Variants in CCDC178 observed in about 807,000 individuals in gnomAD.
CCDC178 encodes coiled-coil domain containing 178, also known as coiled-coil domain-containing protein 178.
Under a neutral mutation model 117.4 loss-of-function variants are expected in CCDC178, and 126 were observed. That is an observed-to-expected ratio of 1.07 (90% CI 0.93 to 1.24). The LOEUF (loss-of-function observed/expected upper bound fraction) is 1.24, where lower values mean the gene tolerates loss of function less well. Among genes scored for constraint, CCDC178 ranks in the 50% most tolerant of loss-of-function variants. The pLI is 0.00. For missense variants in CCDC178, 1,030 were observed against 986.9 expected (o/e 1.04, Z -0.59); for synonymous variants, 283 against 313.4 (o/e 0.90, Z 1.02).
chr18:33,363,019 T>C (rs1164950728), intron 6 of CCDC178, among the ~76,000 whole-genome samples: 2 of 151,966 alleles, frequency 1.3e-5, no homozygotes, highest in Admixed American at 6.6e-5. Context: ...AAAGATACCA[T>C]ACTAATGAGA....
chr18:33,327,611 G>A (rs2062602802), intron 10 of CCDC178, among the ~76,000 whole-genome samples: 1 of 152,050 alleles, frequency 6.6e-6, no homozygotes, highest in Non-Finnish European at 1.5e-5. Context: ...GGGCATCCTT[G>A]TTACTTTCCA....
Position 33,256,585 on chromosome 18 carries a change from T to C in CCDC178, c.1409+10331A>G, listed in dbSNP as rs563821273. ...CTGAGTTTATGTTGTGTGGGATTTA[T>C]GCTGCTGTTTGAAGCTGAAAATCTA... On this transcript the variant is annotated intron_variant, in intron 14 of 22. Transcript: ENST00000383096. Among the ~76,000 whole-genome samples the C allele has an allele frequency of 2.0e-5, 3 of 152,232 alleles. No homozygotes were observed. The South Asian group carries it at 6.2e-4, about 32-fold the overall frequency.
rs570194280 is a variant in CCDC178 at position 33,241,280 on chromosome 18, TA to T, written c.1593+3964del. ...AGCTAAACGTCTTTCCTCTAGGAACTAAACAAGACAAGCAAGCCCACTCTTA... is the reference window on the plus strand; with the variant it reads ...AGCTAAACGTCTTTCCTCTAGGAACTAACAAGACAAGCAAGCCCACTCTTA... On this transcript the variant is annotated intron_variant, in intron 15 of 22. Transcript: ENST00000383096. Among the ~76,000 whole-genome samples, 473 of 151,952 alleles carry T rather than the reference TA, an allele frequency of 3.1e-3. 4 individuals carry two copies. Among genetic ancestry groups the T allele is most frequent in the African/African-American group, 0.011 (456 of 41,510 alleles).
chr18:33,146,127 A>G (rs1339618189), intron 20 of CCDC178, among the ~76,000 whole-genome samples: 1 of 152,238 alleles, frequency 6.6e-6, no homozygotes, highest in Non-Finnish European at 1.5e-5. Flanking sequence ...GATATTTGAT[A>G]ATGCTACTGC....
chr18:33,200,260 G>A (rs948989865), intron 20 of CCDC178, among the ~76,000 whole-genome samples: 3 of 152,168 alleles, frequency 2.0e-5, no homozygotes, highest in Non-Finnish European at 4.4e-5. Context: ...TGATGGGAGA[G>A]GCTTCTAAGC....
At chr18:33,365,418 T>G (rs2063189209) in intron 6 of CCDC178, among the ~76,000 whole-genome samples, 2 of 152,082 alleles carry the variant, frequency 1.3e-5, no homozygotes, top group African/African-American at 4.8e-5. Context: ...CGGATACACC[T>G]GGTCTGGATG....
chr18:33,362,732 A>G (rs759431893), intron 6 of CCDC178, among the ~76,000 whole-genome samples: 4 of 151,926 alleles, frequency 2.6e-5, no homozygotes, highest in Non-Finnish European at 5.9e-5. Flanking sequence ...TTTCAAAAGA[A>G]AGCAGATTGG....
intron 21 of CCDC178, among the ~76,000 whole-genome samples, chr18:33,005,747 C>A (rs1457958232): frequency 1.3e-5 from 2 of 151,908 alleles, no homozygotes; most frequent in African/African-American, 4.8e-5. Flanking sequence ...ACTATGCACA[C>A]ACAAAAATTA....
chr18:33,365,684 C>G (rs997247774), intron 6 of CCDC178, among the ~76,000 whole-genome samples: 17 of 152,078 alleles, frequency 1.1e-4, no homozygotes, highest in African/African-American at 3.4e-4. Context: ...TAAATGCTTT[C>G]TCTCTGTGTT....
chr18:33,364,949 C>A (rs2063181110), intron 6 of CCDC178, among the ~76,000 whole-genome samples: 1 of 151,886 alleles, frequency 6.6e-6, no homozygotes, highest in Non-Finnish European at 1.5e-5. Context: ...TACCATTCAG[C>A]AGACCAGGGG....
At chr18:33,090,252 T>C (rs465681) in intron 21 of CCDC178, among the ~76,000 whole-genome samples, 8,681 of 152,226 alleles carry the variant, frequency 0.057, 280 homozygotes, top group Middle Eastern at 0.099. Context: ...AGTATGAAAA[T>C]GTATACTTTG....
intron 20 of CCDC178, among the ~76,000 whole-genome samples, chr18:33,146,615 C>T (rs902410580): frequency 6.6e-5 from 10 of 152,166 alleles, no homozygotes; most frequent in Non-Finnish European, 1.2e-4. Context: ...CATGCCACTG[C>T]ACTCCAGCCT....
chr18:33,063,544 C>T (rs1251720978), intron 21 of CCDC178, among the ~76,000 whole-genome samples: 6 of 152,132 alleles, frequency 3.9e-5, no homozygotes, highest in Non-Finnish European at 7.4e-5. Context: ...CTCAGCCAAT[C>T]GCCATCACTG....
chr18:33,205,901 C>T (rs915780581), intron 20 of CCDC178, among the ~76,000 whole-genome samples: 1 of 152,072 alleles, frequency 6.6e-6, no homozygotes, highest in Admixed American at 6.6e-5. Context: ...CACTATGTTG[C>T]CAGGCTGGTC....
At chr18:33,080,248 GA>G (rs1311974002) in intron 21 of CCDC178, among the ~76,000 whole-genome samples, 1 of 152,108 alleles carries the variant, frequency 6.6e-6, no homozygotes, top group Non-Finnish European at 1.5e-5. Context: ...ACAAGGAAGG[GA>G]ACAACAGACA....
intron 22 of CCDC178, among the ~76,000 whole-genome samples, chr18:32,939,208 A>G (rs979530160): frequency 6.6e-6 from 1 of 152,134 alleles, no homozygotes; most frequent in Non-Finnish European, 1.5e-5. Context: ...ATTAATTCCA[A>G]CTGAAATATT....
At chr18:33,396,827 T>C (rs1484884339) in intron 4 of CCDC178, among the ~76,000 whole-genome samples, 1 of 152,098 alleles carries the variant, frequency 6.6e-6, no homozygotes, top group African/African-American at 2.4e-5. Flanking sequence ...CGGGAACGTC[T>C]ATGTGTGGAG....
At chr18:33,374,813 T>A (rs2063343576) in intron 5 of CCDC178, among the ~76,000 whole-genome samples, 1 of 152,186 alleles carries the variant, frequency 6.6e-6, no homozygotes, top group South Asian at 2.1e-4. Context: ...TACTGATATA[T>A]GAAACAGCAT....
chr18:33,019,864 T>C (rs2056073863), intron 21 of CCDC178, among the ~76,000 whole-genome samples: 1 of 151,104 alleles, frequency 6.6e-6, no homozygotes, highest in South Asian at 2.1e-4. Flanking sequence ...CAGAATCCAT[T>C]GATGTGAAAA....
Sources: allele counts gnomAD v4.1 joint callset (sites outside exome capture counted in the v4.1 genomes callset), GRCh38; gene constraint gnomAD v4.1.1; transcripts MANE v1.5; gene names NCBI Gene and HGNC (gene_info 2026-07-23, HGNC 2026-07-21).